The following PLPPR1 variants were observed in gnomAD, a reference collection of about 807,000 sequenced individuals.
The protein encoded by PLPPR1 is phospholipid phosphatase related 1.
PLPPR1 carries 10 observed loss-of-function variants against 33.1 expected under a neutral mutation model. The observed-to-expected ratio is 0.30, with a 90% confidence interval of 0.19 to 0.51. The LOEUF (loss-of-function observed/expected upper bound fraction) is 0.51, where lower values mean the gene tolerates loss of function less well. PLPPR1 is among the 20% of genes least tolerant of loss of function. PLPPR1 has a pLI of 0.97. For missense variants in PLPPR1, 304 were observed against 408.1 expected (o/e 0.74, Z 2.20); for synonymous variants, 151 against 151.0 (o/e 1.00, Z 0.00).
intron 2 of PLPPR1, among the ~76,000 whole-genome samples, chr9:101,215,271 T>C (rs1168742949): frequency 6.6e-6 from 1 of 151,954 alleles, no homozygotes; most frequent in Admixed American, 6.6e-5. Context: ...TGCTACCTGA[T>C]ACTAGGTCTT....
intron 2 of PLPPR1, among the ~76,000 whole-genome samples, chr9:101,186,476 A>T (rs1431476): frequency 0.75 from 113,025 of 151,590 alleles, 42,396 homozygotes; most frequent in Non-Finnish European, 0.78. Context: ...GGCATCTTTT[A>T]GGCTGACTGT....
chr9:101,322,911 A>G (rs991414634), intron 7 of PLPPR1, among the ~76,000 whole-genome samples: 29 of 152,328 alleles, frequency 1.9e-4, no homozygotes, highest in African/African-American at 6.5e-4. Context: ...ACAAGTCTCA[A>G]GAAAAACATT....
chr9:101,315,001 C>T (rs901690790), intron 6 of PLPPR1, among the ~76,000 whole-genome samples: 4 of 152,064 alleles, frequency 2.6e-5, no homozygotes, highest in African/African-American at 7.2e-5. Context: ...ACACATGTTT[C>T]GGGGGTATGT....
chr9:101,291,412 T>C (rs1283587852), intron 4 of PLPPR1, among the ~76,000 whole-genome samples: 2 of 152,222 alleles, frequency 1.3e-5, no homozygotes, highest in East Asian at 1.9e-4. Flanking sequence ...TAAATGTCCC[T>C]GTCTGACAGC....
intron 1 of PLPPR1, among the ~76,000 whole-genome samples, chr9:101,047,911 G>T (rs987894649): frequency 6.6e-6 from 1 of 152,150 alleles, no homozygotes; most frequent in Non-Finnish European, 1.5e-5. Context: ...CACAGCTAAG[G>T]TATTGCTAAG....
At chr9:101,251,457 C>A (rs1827711361) in intron 2 of PLPPR1, among the ~76,000 whole-genome samples, 1 of 152,070 alleles carries the variant, frequency 6.6e-6, no homozygotes. Context: ...TGTACCAAAT[C>A]TGATTTTTCT....
At chr9:101,318,633 G>T in intron 7 of PLPPR1, among the ~76,000 whole-genome samples, 1 of 152,208 alleles carries the variant, frequency 6.6e-6, no homozygotes, top group East Asian at 1.9e-4. Context: ...AATTAGCCCG[G>T]CATGGTAGCG....
chr9:101,207,794 T>C (rs1250697037), intron 2 of PLPPR1, among the ~76,000 whole-genome samples: 2 of 151,790 alleles, frequency 1.3e-5, no homozygotes, highest in East Asian at 3.9e-4. Flanking sequence ...AAAGAAAGAG[T>C]GCTTCTGGGG....
At chr9:101,159,428 C>A (rs1270626173) in intron 1 of PLPPR1, among the ~76,000 whole-genome samples, 1 of 152,052 alleles carries the variant, frequency 6.6e-6, no homozygotes, top group Non-Finnish European at 1.5e-5. Context: ...ATATGAATAA[C>A]ACTATTTACT....
chr9:101,186,607 A>C (rs915209826), intron 2 of PLPPR1, among the ~76,000 whole-genome samples: 2 of 151,884 alleles, frequency 1.3e-5, no homozygotes, highest in African/African-American at 4.8e-5. Flanking sequence ...ATCCTGTGAA[A>C]CACTTAGACA....
At chr9:101,120,271 A>G (rs909919483) in intron 1 of PLPPR1, among the ~76,000 whole-genome samples, 1 of 152,160 alleles carries the variant, frequency 6.6e-6, no homozygotes, top group Non-Finnish European at 1.5e-5. Flanking sequence ...CGTTGTTGTG[A>G]GTTCCTATTG....
At chr9:101,300,478 A>G (rs1245096587) in intron 4 of PLPPR1, among the ~76,000 whole-genome samples, 1 of 152,192 alleles carries the variant, frequency 6.6e-6, no homozygotes, top group African/African-American at 2.4e-5. Context: ...AAGTTATTAC[A>G]TTAGAACATA....
At chr9:101,202,346 T>G (rs1826510040) in intron 2 of PLPPR1, among the ~76,000 whole-genome samples, 2 of 152,238 alleles carry the variant, frequency 1.3e-5, no homozygotes, top group Admixed American at 1.3e-4. Context: ...AATATTTTTA[T>G]CACATACATC....
At chr9:101,229,564 A>T (rs1298575619) in intron 2 of PLPPR1, among the ~76,000 whole-genome samples, 3 of 152,110 alleles carry the variant, frequency 2.0e-5, no homozygotes, top group African/African-American at 7.2e-5. Flanking sequence ...TTCATGCTGT[A>T]TTTCACAGAT....
intron 1 of PLPPR1, among the ~76,000 whole-genome samples, chr9:101,078,315 GGTCCT>G (rs1214268598): frequency 1.3e-5 from 2 of 150,478 alleles, no homozygotes; most frequent in African/African-American, 4.9e-5. Context: ...GATGTGAGCA[GGTCCT>G]GTTCAGAGTA....
At chr9:101,240,549 CTG>C (rs1827443347) in intron 2 of PLPPR1, among the ~76,000 whole-genome samples, 1 of 151,876 alleles carries the variant, frequency 6.6e-6, no homozygotes, top group African/African-American at 2.4e-5. Flanking sequence ...GAAAAAATTA[CTG>C]TCTTTGAACT....
chr9:101,234,267 G>A (rs1464486006), intron 2 of PLPPR1, among the ~76,000 whole-genome samples: 1 of 151,874 alleles, frequency 6.6e-6, no homozygotes, highest in Non-Finnish European at 1.5e-5. Flanking sequence ...GCAGTTGTTT[G>A]TAGAAAGTAT....
intron 2 of PLPPR1, among the ~76,000 whole-genome samples, chr9:101,211,080 T>C (rs923603429): frequency 1.3e-5 from 2 of 152,182 alleles, no homozygotes; most frequent in Non-Finnish European, 2.9e-5. Context: ...AATTATGGTT[T>C]TATTGCCCCT....
chr9:101,139,961 C>G (rs969224110), intron 1 of PLPPR1, among the ~76,000 whole-genome samples: 1 of 152,152 alleles, frequency 6.6e-6, no homozygotes, highest in Non-Finnish European at 1.5e-5. Flanking sequence ...GCTGGAGAGC[C>G]TTTCCCTATT....
Sources: allele counts gnomAD v4.1 joint callset (sites outside exome capture counted in the v4.1 genomes callset), GRCh38; gene constraint gnomAD v4.1.1; transcripts MANE v1.5; gene names NCBI Gene and HGNC (gene_info 2026-07-23, HGNC 2026-07-21).